Variants in EYS observed in about 807,000 individuals in gnomAD.
EYS encodes protein eyes shut homolog.
A neutral mutation model predicts 282.1 loss-of-function variants in EYS; 250 were observed. The ratio of observed to expected loss-of-function variants is 0.89; its 90% CI spans 0.80 to 0.98. The LOEUF is 0.98. Ranked by LOEUF, EYS falls within the 50% of genes least tolerant of loss-of-function variation. EYS has a pLI of 0.00. For missense variants in EYS, 4,016 were observed against 3,709.0 expected (o/e 1.08, Z -2.15); for synonymous variants, 1,355 against 1,282.9 (o/e 1.06, Z -1.20).
At chr6:65,513,689 C>A (rs1279724803) in intron 2 of EYS, among the ~76,000 whole-genome samples, 1 of 151,946 alleles carries the variant, frequency 6.6e-6, no homozygotes, top group Admixed American at 6.6e-5. Flanking sequence ...AAGACAAAAA[C>A]CACATGATTA....
intron 15 of EYS, among the ~76,000 whole-genome samples, chr6:64,929,992 C>T (rs541767087): frequency 1.1e-4 from 16 of 152,168 alleles, no homozygotes; most frequent in Admixed American, 7.9e-4. Context: ...GAGATTTGCT[C>T]AAGAACAAAA....
chr6:65,516,345 A>T (rs996121791), intron 2 of EYS, among the ~76,000 whole-genome samples: 1 of 152,112 alleles, frequency 6.6e-6, no homozygotes, highest in Non-Finnish European at 1.5e-5. Flanking sequence ...GACAAAGACC[A>T]CTGCTAATCC....
intron 35 of EYS, among the ~76,000 whole-genome samples, chr6:63,947,303 T>C (rs1765427575): frequency 6.6e-6 from 1 of 152,076 alleles, no homozygotes; most frequent in Non-Finnish European, 1.5e-5. Context: ...TCTAAAAATA[T>C]GAAGATAATA....
intron 11 of EYS, among the ~76,000 whole-genome samples, chr6:65,326,956 T>G (rs1432694241): frequency 6.6e-6 from 1 of 151,704 alleles, no homozygotes; most frequent in Non-Finnish European, 1.5e-5. Context: ...ATTCTTTTAT[T>G]TTACTATATT....
At chr6:64,346,467 C>G (rs1561943151) in intron 29 of EYS, among the ~76,000 whole-genome samples, 1 of 151,800 alleles carries the variant, frequency 6.6e-6, no homozygotes, top group Non-Finnish European at 1.5e-5. Flanking sequence ...AAACCAAACA[C>G]CACATGTTCT....
chr6:65,592,257 TTTGA>T (rs1765258981), intron 2 of EYS, among the ~76,000 whole-genome samples: 1 of 151,980 alleles, frequency 6.6e-6, no homozygotes, highest in Non-Finnish European at 1.5e-5. Context: ...GGCAACTTAA[TTTGA>T]TTGATTAATT....
chr6:65,461,009 G>A (rs1764810186), intron 5 of EYS, among the ~76,000 whole-genome samples: 1 of 151,970 alleles, frequency 6.6e-6, no homozygotes, highest in Non-Finnish European at 1.5e-5. Context: ...TACCAAAGAT[G>A]TATTTTCCAA....
intron 1 of EYS, among the ~76,000 whole-genome samples, chr6:65,682,043 C>T (rs1393131122): frequency 1.3e-5 from 2 of 151,966 alleles, no homozygotes; most frequent in Non-Finnish European, 2.9e-5. Flanking sequence ...TAAAAACTCT[C>T]CTGCCTTTTG....
chr6:65,031,940 G>C (rs1772617693), intron 13 of EYS, among the ~76,000 whole-genome samples: 1 of 151,716 alleles, frequency 6.6e-6, no homozygotes, highest in African/African-American at 2.4e-5. Flanking sequence ...CCCAAAATTG[G>C]TTTCTTGAAA....
chr6:64,143,183 G>C (rs1774395302), intron 31 of EYS, among the ~76,000 whole-genome samples: 1 of 151,976 alleles, frequency 6.6e-6, no homozygotes, highest in African/African-American at 2.4e-5. Context: ...GGGATGAATA[G>C]ACCTTGCACA....
chr6:64,933,386 C>G (rs1253662134), intron 15 of EYS, among the ~76,000 whole-genome samples: 1 of 152,080 alleles, frequency 6.6e-6, no homozygotes, highest in Non-Finnish European at 1.5e-5. Context: ...TGAAAAAAAG[C>G]TTATCATCAC....
intron 30 of EYS, among the ~76,000 whole-genome samples, chr6:64,306,177 T>C (rs1769437809): frequency 6.6e-6 from 1 of 152,084 alleles, no homozygotes; most frequent in African/African-American, 2.4e-5. Flanking sequence ...GCTCAAGTCA[T>C]CCCACAGGGC....
intron 33 of EYS, among the ~76,000 whole-genome samples, chr6:64,033,016 A>G (rs1475905376): frequency 6.6e-6 from 1 of 152,172 alleles, no homozygotes; most frequent in African/African-American, 2.4e-5. Flanking sequence ...TTTTGTCAGG[A>G]AGAGGGGCTA....
chr6:65,495,406 G>A lies in EYS; in HGVS notation c.5C>T (p.Thr2Ile), dbSNP rs1320259910. Residue 2 changes from threonine to isoleucine, a missense_variant, in exon 4 of 43, where the codon ACT (threonine) becomes ATT (isoleucine). Transcript: ENST00000503581. ...GCTCAGAATGACGATTGATTTGTCA[G>A]TCATTTTCGGGTAGCTGTATTTTAC... is the stretch of plus-strand genomic sequence containing the variant. M[T>I]DKSIVILSLM... 6.2e-7 allele frequency: 1 copy of A among 1,609,468 alleles called. No homozygotes were observed. Among genetic ancestry groups the A allele is most frequent in the Non-Finnish European group, 8.5e-7 (1 of 1,179,928 alleles).
At chr6:64,763,869 C>A (rs528011867) in intron 22 of EYS, among the ~76,000 whole-genome samples, 1 of 152,276 alleles carries the variant, frequency 6.6e-6, no homozygotes, top group South Asian at 2.1e-4. Flanking sequence ...GTCCAAAACC[C>A]AGTTGGGCAG....
At chr6:65,036,168 T>C (rs1292240158) in intron 13 of EYS, among the ~76,000 whole-genome samples, 1 of 151,238 alleles carries the variant, frequency 6.6e-6, no homozygotes, top group Admixed American at 6.6e-5. Flanking sequence ...CATCCAGAAA[T>C]AGAGCGGCAC....
chr6:65,551,915 T>C (rs1465025897), intron 2 of EYS, among the ~76,000 whole-genome samples: 1 of 17,454 alleles, frequency 5.7e-5, no homozygotes, highest in Non-Finnish European at 8.1e-5. Context: ...AGAAAATTTT[T>C]GCAACCTACT....
intron 31 of EYS, among the ~76,000 whole-genome samples, chr6:64,098,155 C>A (rs1772697972): frequency 6.6e-6 from 1 of 152,140 alleles, no homozygotes. Context: ...CACTATCAAT[C>A]GTTTTCCTAG....
chr6:65,450,387 T>C (rs901508857), intron 5 of EYS, among the ~76,000 whole-genome samples: 5 of 152,166 alleles, frequency 3.3e-5, no homozygotes, highest in African/African-American at 1.2e-4. Flanking sequence ...AAAGTTACAT[T>C]GTATTTACGA....
Sources: gnomAD v4.1 joint callset for allele counts (sites outside exome capture counted in the v4.1 genomes callset) on GRCh38, gnomAD v4.1.1 for gene constraint, MANE v1.5 for transcripts, NCBI Gene and HGNC (gene_info 2026-07-23, HGNC 2026-07-21) for gene names.